Variants in POU2F1 observed in about 807,000 individuals in gnomAD.
The protein encoded by POU2F1 is POU class 2 homeobox 1, also known as POU domain, class 2, transcription factor 1.
Under a neutral mutation model 84.9 loss-of-function variants are expected in POU2F1, and 16 were observed. The ratio of observed to expected loss-of-function variants is 0.19; its 90% CI spans 0.13 to 0.29. The LOEUF is 0.29. POU2F1 is among the 10% of genes least tolerant of loss of function. The pLI is 1.00. For missense variants in POU2F1, 738 were observed against 942.6 expected (o/e 0.78, Z 2.84); for synonymous variants, 368 against 368.3 (o/e 1.00, Z 0.01).
At chr1:167,276,548 G>A (rs1652742927) in intron 1 of POU2F1, among the ~76,000 whole-genome samples, 1 of 152,088 alleles carries the variant, frequency 6.6e-6, no homozygotes, top group South Asian at 2.1e-4. Context: ...GATAAGAGGG[G>A]ACTATATTCT....
In POU2F1 at chr1:167,425,227, T is replaced by C. The variant is rs1258504147; in HGVS notation, c.*9417T>C. 3.4e-5 allele frequency: 5 copies of C among 147,318 alleles called. 1 individual carries two copies. The highest frequency in any genetic ancestry group is 3.3e-4 in the Admixed American group (5 of 15,136). The allele number at this position is 147,318 out of a possible 1,614,324, so 9.1% of individuals were successfully genotyped here. A position where few individuals can be genotyped will look rare whatever the true frequency, so the allele number is the denominator to read the frequency against. On this transcript the variant is annotated 3_prime_UTR_variant, in exon 16 of 16. Transcript: ENST00000367866. ...ATAAGCCAGGGGAGGGTGGTTTCTT[T>C]GTTTTGTTTTGTTTTGTTTTGTTTT... is the stretch of plus-strand genomic sequence containing the variant.
chr1:167,288,818 T>G (rs1341590184), intron 1 of POU2F1, among the ~76,000 whole-genome samples: 1 of 152,254 alleles, frequency 6.6e-6, no homozygotes, highest in Admixed American at 6.5e-5. Flanking sequence ...ATTTATAGTT[T>G]GGATCTAGAA....
At chr1:167,266,824 G>A (rs1050421871) in intron 1 of POU2F1, among the ~76,000 whole-genome samples, 20 of 151,888 alleles carry the variant, frequency 1.3e-4, no homozygotes, top group Non-Finnish European at 1.6e-4. Context: ...GGGTTATATC[G>A]TGTTGGCCAG....
At chr1:167,236,530 T>C (rs1649468837) in intron 1 of POU2F1, among the ~76,000 whole-genome samples, 1 of 152,248 alleles carries the variant, frequency 6.6e-6, no homozygotes, top group South Asian at 2.1e-4. Context: ...TCAGAATACT[T>C]GTAGTTTTCC....
Position 167,416,302 on chromosome 1 carries a change from A to G in POU2F1, c.*492A>G, listed in dbSNP as rs543913023. On this transcript the variant is annotated 3_prime_UTR_variant, in exon 16 of 16. Coordinates refer to ENST00000367866, the MANE Select transcript of POU2F1 (RefSeq NM_002697.4). The stretch of plus-strand genomic sequence containing the variant: ...TTGTACAGGCCATTAAGTCATAACA[A>G]GGTGTTTATAATCGTATCAATTGTG... The G allele has an allele frequency of 7.6e-6, 2 of 262,884 alleles. No individual in the cohort carries two copies. Among genetic ancestry groups the G allele is most frequent in the Admixed American group, 5.1e-5 (1 of 19,484 alleles). 16.3% of individuals were successfully genotyped at this position (262,884 alleles called of 1,614,324 possible).
intron 13 of POU2F1, 30 bp from the exon 14 acceptor site, chr1:167,411,928 AG>A (rs1237197075): frequency 6.4e-7 from 1 of 1,567,200 alleles, no homozygotes; most frequent in Admixed American, 1.8e-5. Context: ...CATTTACAAA[AG>A]GTCATCTTCT....
At chr1:167,345,248 G>T (rs538154500) in intron 2 of POU2F1, among the ~76,000 whole-genome samples, 2 of 152,176 alleles carry the variant, frequency 1.3e-5, no homozygotes, top group Non-Finnish European at 2.9e-5. Context: ...TTCAGAGCAC[G>T]TGGTGGCTGA....
intron 1 of POU2F1, among the ~76,000 whole-genome samples, chr1:167,267,942 A>G (rs1463555956): frequency 1.3e-5 from 2 of 152,146 alleles, no homozygotes; most frequent in East Asian, 3.9e-4. Context: ...TGCCCGGCCT[A>G]CTGTGTCTTT....
intron 2 of POU2F1, among the ~76,000 whole-genome samples, chr1:167,347,305 A>T (rs554537663): frequency 6.6e-6 from 1 of 152,300 alleles, no homozygotes; most frequent in African/African-American, 2.4e-5. Flanking sequence ...CTGCTGGGTG[A>T]TGAAAAATAG....
intron 1 of POU2F1, among the ~76,000 whole-genome samples, chr1:167,269,796 C>T (rs550891446): frequency 1.3e-5 from 2 of 151,956 alleles, no homozygotes; most frequent in African/African-American, 4.8e-5. Flanking sequence ...GCCTATAAAT[C>T]CCAGCTATTT....
chr1:167,357,388 C>A (rs1217299087), intron 2 of POU2F1: 1 of 91,046 alleles, frequency 1.1e-5, no homozygotes, highest in Non-Finnish European at 2.1e-5. Flanking sequence ...CACCCCCCCC[C>A]GCTTCTTTGT....
intron 1 of POU2F1, among the ~76,000 whole-genome samples, chr1:167,229,823 A>G (rs139756253): frequency 1.2e-4 from 18 of 152,148 alleles, no homozygotes; most frequent in African/African-American, 4.3e-4. Context: ...AGGAATGGAC[A>G]CTCCTAATAC....
chr1:167,368,838 A>C (rs1450364858), intron 3 of POU2F1, among the ~76,000 whole-genome samples: 1 of 152,218 alleles, frequency 6.6e-6, no homozygotes, highest in African/African-American at 2.4e-5. Flanking sequence ...CAACATTTAT[A>C]TTTAATCTCA....
intron 2 of POU2F1, among the ~76,000 whole-genome samples, chr1:167,357,727 G>A (rs1485633185): frequency 6.6e-6 from 1 of 150,618 alleles, no homozygotes; most frequent in East Asian, 2.0e-4. Flanking sequence ...TTGTCTAAGA[G>A]TTTTATGCAT....
chr1:167,277,685 C>T (rs1017136544), intron 1 of POU2F1, among the ~76,000 whole-genome samples: 10 of 152,206 alleles, frequency 6.6e-5, no homozygotes, highest in Non-Finnish European at 1.2e-4. Context: ...TTCTACGACC[C>T]AGCAATTATA....
chr1:167,220,938 C>G lies in POU2F1; in HGVS notation c.41C>G (p.Ala14Gly). ...GGAASQDESS[A>G]AAAAAADSRM... ...GCAGCGAGTCAAGATGAGAGTTCAG[C>G]CGCGGCGGCAGCAGCAGCAGGTAAT... The change falls in exon 1 of 16, where the codon GCC becomes GGC. Residue 14 changes from alanine to glycine, a missense_variant. This residue lies in a region of POU2F1 where 161 missense variants were observed against 147.0 expected (regional missense o/e 1.10). Transcript: ENST00000367866. 2.6e-6 allele frequency: 4 copies of G among 1,535,342 alleles called. No individual in the cohort carries two copies. The highest frequency in any genetic ancestry group is 3.5e-6 in the Non-Finnish European group (4 of 1,146,774).
chr1:167,371,824 A>ATG, intron 4 of POU2F1, 93 bp from the exon 5 acceptor site: 1 of 1,532,458 alleles, frequency 6.5e-7, no homozygotes, highest in Non-Finnish European at 9.0e-7. Flanking sequence ...GAATAAGCTC[A>ATG]TGTTTTAAAT....
chr1:167,306,610 C>T (rs35617840), intron 1 of POU2F1, among the ~76,000 whole-genome samples: 1 of 151,978 alleles, frequency 6.6e-6, no homozygotes, highest in Non-Finnish European at 1.5e-5. Context: ...TGCCGTAACA[C>T]GGTACTACAA....
At position 167,383,877 on chromosome 1, in the gene POU2F1, C is replaced by A; in HGVS notation, c.739C>A (p.Leu247Ile). The A allele has an allele frequency of 6.2e-7, 1 of 1,613,862 alleles. No homozygotes were observed. Among genetic ancestry groups the A allele is most frequent in the Non-Finnish European group, 8.5e-7 (1 of 1,179,852 alleles). The change falls in exon 8 of 16, where the codon CTT (leucine) becomes ATT (isoleucine). Residue 247 changes from leucine to isoleucine, a missense_variant. Leu to Ile is a conservative substitution (Grantham distance 5, BLOSUM62 2). This residue lies in a region of POU2F1 where 163 missense variants were observed against 214.4 expected (regional missense o/e 0.76). Transcript: ENST00000367866. Reference protein sequence around the residue: ...GQQGLLQAQNLLTQLPQQSQA... With the variant: ...GQQGLLQAQNILTQLPQQSQA... ...TACAGGTCTCCTGCAAGCGCAAAATCTTCTAACGCAACTACCTCAGCAAAG... is the reference window on the plus strand; with the variant it reads ...TACAGGTCTCCTGCAAGCGCAAAATATTCTAACGCAACTACCTCAGCAAAG...
Sources: gnomAD v4.1 joint callset for allele counts (sites outside exome capture counted in the v4.1 genomes callset) on GRCh38, gnomAD v4.1.1 for gene constraint, gnomAD v4.1.1 regional missense constraint, MANE v1.5 for transcripts, NCBI Gene and HGNC (gene_info 2026-07-23, HGNC 2026-07-21) for gene names.